DNAAF5: variants seen among roughly 807,000 people sequenced by gnomAD.
The protein encoded by DNAAF5 is dynein axonemal assembly factor 5.
A neutral mutation model predicts 75.8 loss-of-function variants in DNAAF5; 64 were observed. That is an observed-to-expected ratio of 0.84 (90% CI 0.69 to 1.04). DNAAF5 has a LOEUF of 1.04. Among genes scored for constraint, DNAAF5 ranks in the 50% least tolerant of loss-of-function variants. DNAAF5 has a pLI of 0.00. For missense variants in DNAAF5, 1,269 were observed against 1,178.5 expected, an observed-to-expected ratio of 1.08 and a Z score of -1.12; for synonymous variants, 657 against 557.2, an observed-to-expected ratio of 1.18 and a Z score of -2.52.
intron 12 of DNAAF5, among the ~76,000 whole-genome samples, chr7:781,594 T>C (rs993241097): frequency 1.3e-5 from 2 of 152,242 alleles, no homozygotes; most frequent in African/African-American, 4.8e-5. Flanking sequence ...ACCTCCAGAC[T>C]GTTCTCCCAG....
intron 8 of DNAAF5, among the ~76,000 whole-genome samples, chr7:767,299 T>TAAAC (rs10551669): frequency 0.81 from 120,929 of 150,118 alleles, 48,845 homozygotes; most frequent in South Asian, 0.87. Context: ...TTAAGTGAAA[T>TAAAC]AGCTGCTGCC....
intron 11 of DNAAF5, among the ~76,000 whole-genome samples, chr7:778,934 A>G (rs989072014): frequency 6.6e-6 from 1 of 152,274 alleles, no homozygotes; most frequent in Admixed American, 6.5e-5. Flanking sequence ...GTTTGGCACC[A>G]TAATGCCTGG....
chr7:758,740 T>C (rs1031998567), intron 6 of DNAAF5, among the ~76,000 whole-genome samples: 1 of 152,178 alleles, frequency 6.6e-6, no homozygotes, highest in Non-Finnish European at 1.5e-5. Flanking sequence ...TAGAATGCAG[T>C]GGCGCAATCT....
chr7:777,776 T>A (rs1419042867), intron 11 of DNAAF5, among the ~76,000 whole-genome samples: 1 of 152,136 alleles, frequency 6.6e-6, no homozygotes, highest in Admixed American at 6.6e-5. Flanking sequence ...AAAACAAAGT[T>A]AGTGACGTGA....
intron 2 of DNAAF5, among the ~76,000 whole-genome samples, chr7:738,209 A>G (rs1005038958): frequency 6.6e-6 from 1 of 152,180 alleles, no homozygotes; most frequent in African/African-American, 2.4e-5. Context: ...AGAGGCTCCA[A>G]TGCATTCTTC....
intron 2 of DNAAF5, among the ~76,000 whole-genome samples, chr7:738,859 G>A (rs1781814249): frequency 1.3e-5 from 2 of 152,230 alleles, no homozygotes; most frequent in Non-Finnish European, 2.9e-5. Context: ...CGACAGACAG[G>A]TGGCCGTCCT....
Position 727,349 on chromosome 7 carries a change from C to T in DNAAF5, c.595+34C>T. 3 of 1,161,196 alleles carry T rather than the reference C, an allele frequency of 2.6e-6. No homozygotes were observed. In the South Asian group the frequency reaches 9.3e-5, roughly 36 times the overall value. The allele number at this position is 1,161,196 out of a possible 1,614,324, so 71.9% of individuals were successfully genotyped here. ...CCCGGGCCCCGCTCCCACACGCCAC[C>T]CCACACTCTCACCCCCACCTCCACC... On this transcript the variant is annotated intron_variant, in intron 1 of 12. Coordinates refer to ENST00000297440, the MANE Select transcript of DNAAF5 (RefSeq NM_017802.4).
rs1244079692 is a variant in DNAAF5 at position 771,251 on chromosome 7, GAAGT to G, written c.1931+637_1931+640del. 4 of 152,380 alleles carry G rather than the reference GAAGT, an allele frequency of 2.6e-5. No homozygotes were observed. In the East Asian group the frequency reaches 7.7e-4, roughly 29 times the overall value. 9.4% of individuals were successfully genotyped at this position (152,380 alleles called of 1,614,324 possible). ...CTAGGGCCTCCAGGTGTACGGCTTT[GAAGT>G]AAGGGCAAGAAGCATGGGTGCCCTC... On this transcript the variant is annotated intron_variant, in intron 9 of 12. Transcript: ENST00000297440.
Position 758,049 on chromosome 7 carries a change from G to C in DNAAF5, c.1470+1055G>C, listed in dbSNP as rs566676349. Among the ~76,000 whole-genome samples the C allele has an allele frequency of 5.9e-5, 9 of 152,366 alleles. No individual in the cohort carries two copies. The South Asian group carries it at 1.9e-3, about 32-fold the overall frequency. Reference sequence around the variant, plus strand: ...ACATAGAGGGAAGGAAACGGAGCTGGGGTAAGGAAGGGAGCGGGGGAGGGG... The same window carrying C: ...ACATAGAGGGAAGGAAACGGAGCTGCGGTAAGGAAGGGAGCGGGGGAGGGG... On this transcript the variant is annotated intron_variant, in intron 6 of 12. Transcript: ENST00000297440.
Position 726,911 on chromosome 7 carries a change from C to G in DNAAF5, c.191C>G (p.Ala64Gly). The change falls in exon 1 of 13, where the codon GCC (alanine) becomes GGC (glycine). Residue 64 changes from alanine (A) to glycine (G), a missense_variant. By Grantham distance (60) the Ala-to-Gly change is moderately conservative (BLOSUM62 0). Transcript: ENST00000297440. ...RRALEEPGPA[A>G]DPTAFQGPWA... ...GCGCTGGAGGAGCCAGGCCCTGCCG[C>G]CGACCCCACCGCTTTCCAGGGCCCC... The G allele has an allele frequency of 7.4e-7, 1 of 1,345,796 alleles. No homozygotes were observed. Among genetic ancestry groups the G allele is most frequent in the South Asian group, 1.7e-5 (1 of 59,442 alleles). The allele number at this position is 1,345,796 out of a possible 1,614,324, so 83.4% of individuals were successfully genotyped here.
chr7:741,299 C>T (rs750473133), intron 3 of DNAAF5, 48 bp from the exon 4 acceptor site: 16 of 1,426,870 alleles, frequency 1.1e-5, no homozygotes, highest in Middle Eastern at 2.4e-4. Flanking sequence ...TGCGGCCTCC[C>T]CTGCGTGCCC....
rs1285803155 is a variant in DNAAF5 at position 744,791 on chromosome 7, CAG to C, written c.1024+3327_1024+3328del. On this transcript the variant is annotated intron_variant, in intron 4 of 12. Coordinates refer to ENST00000297440, the MANE Select transcript of DNAAF5 (RefSeq NM_017802.4). The stretch of plus-strand genomic sequence containing the variant: ...ACTAATTTTGTATTTTTAATAGAGA[CAG>C]GGTTTCGCCATGTTGGTCAGGGTGG... 7.2e-5 allele frequency among the ~76,000 whole-genome samples: 11 copies of C among 152,206 alleles called. No homozygotes were observed. In the East Asian group the frequency reaches 2.1e-3, roughly 29 times the overall value.
intron 8 of DNAAF5, among the ~76,000 whole-genome samples, chr7:764,175 A>T (rs1782751414): frequency 6.6e-6 from 1 of 152,242 alleles, no homozygotes; most frequent in African/African-American, 2.4e-5. Context: ...TGTGGGACGC[A>T]GCTCTTCCAC....
At position 746,830 on chromosome 7, in the gene DNAAF5, A is replaced by G. The variant is rs549231613; in HGVS notation, c.1024+5365A>G. On this transcript the variant is annotated intron_variant, in intron 4 of 12. Coordinates refer to ENST00000297440, the MANE Select transcript of DNAAF5 (RefSeq NM_017802.4). ...GCATCTCCACCGCCCAGAACTGCTC[A>G]TGGGCCCTGGCACTGCTGCTGTGGG... Among the ~76,000 whole-genome samples, 520 of 152,302 alleles carry G rather than the reference A, an allele frequency of 3.4e-3. 4 individuals carry two copies. The highest frequency in any genetic ancestry group is 0.012 in the African/African-American group (495 of 41,566).
intron 11 of DNAAF5, among the ~76,000 whole-genome samples, chr7:776,889 C>G (rs1435138213): frequency 6.6e-6 from 1 of 152,204 alleles, no homozygotes; most frequent in African/African-American, 2.4e-5. Context: ...TTTACGGCTG[C>G]TCCCCATCTT....
rs755182384 is a variant in DNAAF5 at position 774,066 on chromosome 7, C to G, written c.1950C>G (p.Leu650=). The G allele has an allele frequency of 6.2e-6, 10 of 1,613,960 alleles. No homozygotes were observed. The African/African-American group carries it at 8.0e-5, about 13-fold the overall frequency. ...GTTCCAGGCAGTTTCCCAGCTACCT[C>G]GAGACGGTGACAAAGGACATCCTGG... ...INSQGQFPSY[L]ETVTKDILAP... Residue 650 remains leucine, a synonymous_variant, in exon 10 of 13, where the codon CTC becomes CTG. Transcript: ENST00000297440.
intron 10 of DNAAF5, 38 bp from the exon 11 acceptor site, chr7:774,968 C>T: frequency 6.2e-7 from 1 of 1,609,076 alleles, no homozygotes; most frequent in Non-Finnish European, 8.5e-7. Flanking sequence ...CACCCCAGGA[C>T]AGATGTGAGT....
At chr7:741,781 TGTGCACACAAGG>T (rs1781919656) in intron 4 of DNAAF5, among the ~76,000 whole-genome samples, 2 of 152,326 alleles carry the variant, frequency 1.3e-5, no homozygotes, top group East Asian at 3.9e-4. Flanking sequence ...CTCCGTTGGC[TGTGCACACAAGG>T]GTGCATTGAA....
chr7:750,639 G>A (rs986771833), intron 4 of DNAAF5, among the ~76,000 whole-genome samples: 3 of 152,160 alleles, frequency 2.0e-5, no homozygotes, highest in African/African-American at 7.2e-5. Flanking sequence ...AGCTCAGGCG[G>A]TCACACTCCT....
Sources: gnomAD v4.1 joint callset for allele counts (sites outside exome capture counted in the v4.1 genomes callset) on GRCh38, gnomAD v4.1.1 for gene constraint, MANE v1.5 for transcripts, NCBI Gene and HGNC (gene_info 2026-07-23, HGNC 2026-07-21) for gene names.